The following DAP3 variants were observed in gnomAD, a reference collection of about 807,000 sequenced individuals.
DAP3 encodes death associated protein 3.
Under a neutral mutation model 51.9 loss-of-function variants are expected in DAP3, and 28 were observed. That is an observed-to-expected ratio of 0.54 (90% CI 0.40 to 0.74). The LOEUF is 0.74. DAP3 is among the 30% of genes least tolerant of loss of function. DAP3 has a pLI of 0.00. For synonymous variants in DAP3, 170 were observed against 170.3 expected (o/e 1.00, Z 0.01); for missense variants, 458 against 483.5 (o/e 0.95, Z 0.49).
chr1:155,726,694 G>A (rs1658639427), intron 6 of DAP3: 1 of 151,758 alleles, frequency 6.6e-6, no homozygotes, highest in African/African-American at 2.4e-5. Context: ...GGCTGAGGCT[G>A]GAATATTGCT....
intron 1 of DAP3, among the ~76,000 whole-genome samples, 163 bp from the exon 2 acceptor site, chr1:155,709,610 A>T (rs183507134): frequency 1.2e-4 from 19 of 152,128 alleles, no homozygotes; most frequent in African/African-American, 4.6e-4. Flanking sequence ...ATGCCTGTTC[A>T]TGCCTTTTGC....
At chr1:155,703,428 G>A (rs1327692218) in intron 1 of DAP3, among the ~76,000 whole-genome samples, 9 of 152,242 alleles carry the variant, frequency 5.9e-5, no homozygotes, top group South Asian at 2.1e-4. Context: ...TGGGGAAACC[G>A]CCCCCATGAT....
chr1:155,732,189 C>T (rs1659305431), intron 11 of DAP3, 156 bp downstream of exon 11: 1 of 539,290 alleles, frequency 1.9e-6, no homozygotes, highest in Non-Finnish European at 3.2e-6. Flanking sequence ...TTAACTTGAT[C>T]ATCATTGCTT....
At position 155,738,972 on chromosome 1, in the gene DAP3, A is replaced by T. The variant is rs1021699411; in HGVS notation, c.*730A>T. The T allele has an allele frequency of 6.9e-6, 1 of 144,434 alleles. No homozygotes were observed. 8.9% of individuals were successfully genotyped at this position (144,434 alleles called of 1,614,324 possible). A position where few individuals can be genotyped will look rare whatever the true frequency, so the allele number is the denominator to read the frequency against. ...GGGCAGCAGAGCAAGACTCCGTCTC[A>T]AAATAAATAAATAAATAAATAAATA... On this transcript the variant is annotated 3_prime_UTR_variant, in exon 13 of 13. Transcript: ENST00000368336.
At chr1:155,707,330 G>T (rs938724350) in intron 1 of DAP3, among the ~76,000 whole-genome samples, 1 of 144,072 alleles carries the variant, frequency 6.9e-6, no homozygotes, top group Admixed American at 6.9e-5. Context: ...GGAGAATGGC[G>T]TGAACCCGGG....
intron 11 of DAP3, 185 bp downstream of exon 11, chr1:155,732,218 TC>T: frequency 2.3e-6 from 1 of 432,438 alleles, no homozygotes; most frequent in Non-Finnish European, 4.0e-6. Context: ...TCCGTCTTTC[TC>T]CAGAGTTTCT....
At chr1:155,731,846 TGTA>T (rs1338412192) in intron 10 of DAP3, 95 bp from the exon 11 acceptor site, 9 of 1,245,212 alleles carry the variant, frequency 7.2e-6, no homozygotes. Context: ...TTTGTAACAC[TGTA>T]TGCCCAAGAA....
At position 155,727,659 on chromosome 1, in the gene DAP3, A is replaced by G. The variant is rs1429125945; in HGVS notation, c.524A>G (p.Lys175Arg). 1 of 1,613,672 alleles carries G rather than the reference A, an allele frequency of 6.2e-7. No individual in the cohort carries two copies. Among genetic ancestry groups the G allele is most frequent in the African/African-American group, 1.3e-5 (1 of 74,836 alleles). ...CRDLLQSSYN[K>R]QRFDQPLEAS... Reference sequence around the variant, plus strand: ...GATCTTCTGCAGTCCAGCTACAACAAACAGCGCTTTGATCAACCTTTAGAG... The same window carrying G: ...GATCTTCTGCAGTCCAGCTACAACAGACAGCGCTTTGATCAACCTTTAGAG... The change falls in exon 7 of 13, where the codon AAA (lysine) becomes AGA (arginine). Residue 175 changes from lysine to arginine, a missense_variant. Transcript: ENST00000368336.
Position 155,738,157 on chromosome 1 carries a change from C to T in DAP3, c.1112C>T (p.Ala371Val). ...LENNWLQHEK[A>V]PTEEGKKELL... ...TTACCTGTGTTTGTCTCCATTTTAG[C>T]TCCTACAGAAGAAGGGAAAAAAGAG... Residue 371 changes from alanine (A) to valine (V), a missense_variant and splice_region_variant, in exon 13 of 13, where the codon GCT (alanine) becomes GTT (valine). Coordinates refer to ENST00000368336, the MANE Select transcript of DAP3 (RefSeq NM_004632.4). 2 of 1,614,150 alleles carry T rather than the reference C, an allele frequency of 1.2e-6. No individual in the cohort carries two copies. The highest frequency in any genetic ancestry group is 1.7e-6 in the Non-Finnish European group (2 of 1,180,022).
upstream of DAP3, chr1:155,688,786 G>T: frequency 6.5e-7 from 1 of 1,541,068 alleles, no homozygotes. Context: ...CTCCTCGCGC[G>T]TGCGCCTCCC....
intron 3 of DAP3, among the ~76,000 whole-genome samples, chr1:155,719,749 C>T (rs1480802637): frequency 6.7e-6 from 1 of 149,588 alleles, no homozygotes; most frequent in African/African-American, 2.5e-5. Flanking sequence ...GGCTTTCACC[C>T]TCTTGGCCAG....
intron 9 of DAP3, among the ~76,000 whole-genome samples, chr1:155,730,851 G>C (rs1288035482): frequency 1.3e-5 from 2 of 152,172 alleles, no homozygotes; most frequent in Non-Finnish European, 2.9e-5. Flanking sequence ...GTTTGGGGCA[G>C]TGGGTGTTTT....
upstream of DAP3, chr1:155,688,490 G>T (rs1457222457): frequency 2.6e-6 from 4 of 1,549,226 alleles, no homozygotes; most frequent in Admixed American, 7.8e-5. Flanking sequence ...GCCCGCACGC[G>T]TACGAGTGTC....
chr1:155,716,820 G>A (rs1039943352), intron 2 of DAP3, among the ~76,000 whole-genome samples, 186 bp from the exon 3 acceptor site: 4 of 151,842 alleles, frequency 2.6e-5, no homozygotes, highest in Non-Finnish European at 4.4e-5. Flanking sequence ...GGTGGCGCAC[G>A]CCTGTAATCC....
At chr1:155,712,934 A>G (rs570335416) in intron 2 of DAP3, among the ~76,000 whole-genome samples, 5 of 152,292 alleles carry the variant, frequency 3.3e-5, no homozygotes, top group African/African-American at 1.2e-4. Context: ...AAGTAGTACT[A>G]GGGTGTGTTA....
chr1:155,706,745 C>T (rs969827856), intron 1 of DAP3, among the ~76,000 whole-genome samples: 79 of 151,174 alleles, frequency 5.2e-4, no homozygotes, highest in African/African-American at 6.6e-4. Flanking sequence ...AAGACTTCAT[C>T]GCAAAATAAA....
At chr1:155,730,215 TATA>T (rs1326835195) in intron 9 of DAP3, among the ~76,000 whole-genome samples, 5 of 148,586 alleles carry the variant, frequency 3.4e-5, no homozygotes, top group South Asian at 2.1e-4. Flanking sequence ...TATATGTATA[TATA>T]ATATTCATAT....
Position 155,738,171 on chromosome 1 carries a change from G to T in DAP3, c.1126G>T (p.Gly376Trp). The T allele has an allele frequency of 6.2e-7, 1 of 1,614,148 alleles. No individual in the cohort carries two copies. The highest frequency in any genetic ancestry group is 8.5e-7 in the Non-Finnish European group (1 of 1,180,016). The stretch of plus-strand genomic sequence containing the variant: ...CTCCATTTTAGCTCCTACAGAAGAA[G>T]GGAAAAAAGAGCTGCTGTTCCTAAG... ...LQHEKAPTEE[G>W]KKELLFLSNA... Residue 376 changes from glycine to tryptophan, a missense_variant, in exon 13 of 13, where the codon GGG (glycine) becomes TGG (tryptophan). Transcript: ENST00000368336.
At chr1:155,703,733 T>C (rs1326967123) in intron 1 of DAP3, among the ~76,000 whole-genome samples, 1 of 152,188 alleles carries the variant, frequency 6.6e-6, no homozygotes, top group Non-Finnish European at 1.5e-5. Context: ...GAGATGGGGT[T>C]TCACCGTGTT....
Sources: gnomAD v4.1 joint callset for allele counts (sites outside exome capture counted in the v4.1 genomes callset) on GRCh38, gnomAD v4.1.1 for gene constraint, MANE v1.5 for transcripts, NCBI Gene and HGNC (gene_info 2026-07-23, HGNC 2026-07-21) for gene names.